CHST11: variants seen among roughly 807,000 people sequenced by gnomAD.
CHST11 encodes the protein C4S-1.
Under a neutral mutation model 30.4 loss-of-function variants are expected in CHST11, and 9 were observed. That is an observed-to-expected ratio of 0.30 (90% CI 0.18 to 0.52). CHST11 has a LOEUF of 0.52. CHST11 is among the 20% of genes least tolerant of loss of function. The probability of loss-of-function intolerance (pLI) is 0.97; values close to 1 mark genes in which losing one functional copy is unlikely to be tolerated. For synonymous variants in CHST11, 152 were observed against 187.8 expected, an observed-to-expected ratio of 0.81 and a Z score of 1.56; for missense variants, 348 against 460.6, an observed-to-expected ratio of 0.76 and a Z score of 2.24.
rs550479314 is a variant in CHST11 at position 104,529,173 on chromosome 12, G to A, written c.118+71644G>A. Among the ~76,000 whole-genome samples, 6 of 152,364 alleles carry A rather than the reference G, an allele frequency of 3.9e-5. No individual in the cohort carries two copies. The South Asian group carries it at 1.0e-3, about 26-fold the overall frequency. On this transcript the variant is annotated intron_variant, in intron 1 of 2. Coordinates refer to ENST00000303694, the MANE Select transcript of CHST11 (RefSeq NM_018413.6). Reference sequence around the variant, plus strand: ...GCAAATTGAGCACCTGGAGACCAGAGTAACTAAGGAGTTGTGCCTACTTAC... The same window carrying A: ...GCAAATTGAGCACCTGGAGACCAGAATAACTAAGGAGTTGTGCCTACTTAC...
At chr12:104,631,123 A>G (rs377530314) in intron 2 of CHST11, among the ~76,000 whole-genome samples, 2 of 152,308 alleles carry the variant, frequency 1.3e-5, no homozygotes, top group African/African-American at 4.8e-5. Flanking sequence ...GCTGTTAACC[A>G]AATGTGGGAA....
chr12:104,735,342 C>G (rs1163195796), intron 2 of CHST11, among the ~76,000 whole-genome samples: 1 of 152,204 alleles, frequency 6.6e-6, no homozygotes, highest in Non-Finnish European at 1.5e-5. Context: ...TGCTTGGCAC[C>G]TGGCACTCAA....
chr12:104,706,599 T>C (rs2136117375), intron 2 of CHST11, among the ~76,000 whole-genome samples: 1 of 152,270 alleles, frequency 6.6e-6, no homozygotes, highest in Non-Finnish European at 1.5e-5. Flanking sequence ...TTTCTATCCC[T>C]GGAGAGGCAG....
chr12:104,695,414 A>C (rs996605257), intron 2 of CHST11, among the ~76,000 whole-genome samples: 4 of 151,426 alleles, frequency 2.6e-5, no homozygotes, highest in African/African-American at 9.7e-5. Context: ...AAGAGAAAGA[A>C]AACTCATGAA....
intron 1 of CHST11, among the ~76,000 whole-genome samples, chr12:104,561,867 T>C (rs2038517422): frequency 6.7e-6 from 1 of 150,102 alleles, no homozygotes. Context: ...CTCGGCTCAC[T>C]GCAACCTCTG....
chr12:104,563,907 G>A (rs1332452329), intron 1 of CHST11, among the ~76,000 whole-genome samples: 4 of 152,076 alleles, frequency 2.6e-5, no homozygotes, highest in Non-Finnish European at 5.9e-5. Context: ...GTGCTCAGTT[G>A]TCATTTGACT....
chr12:104,553,166 A>G (rs1004628932), intron 1 of CHST11: 1 of 152,292 alleles, frequency 6.6e-6, no homozygotes, highest in African/African-American at 2.4e-5. Context: ...AAGCCTGAGC[A>G]AAGTACCTGG....
chr12:104,468,453 G>C (rs746639863), intron 1 of CHST11, among the ~76,000 whole-genome samples: 4 of 152,126 alleles, frequency 2.6e-5, no homozygotes, highest in Non-Finnish European at 4.4e-5. Flanking sequence ...GGAATGGATG[G>C]AATAAAAACC....
At chr12:104,656,959 G>C (rs898395797) in intron 2 of CHST11, among the ~76,000 whole-genome samples, 1 of 151,864 alleles carries the variant, frequency 6.6e-6, no homozygotes, top group Non-Finnish European at 1.5e-5. Flanking sequence ...CCTTACAAAG[G>C]CACAGCATGC....
At chr12:104,528,902 A>C (rs1424454584) in intron 1 of CHST11, among the ~76,000 whole-genome samples, 2 of 152,206 alleles carry the variant, frequency 1.3e-5, no homozygotes, top group Non-Finnish European at 2.9e-5. Context: ...CACTGAGGGC[A>C]ACCTTACCTT....
At chr12:104,661,900 C>G (rs974751413) in intron 2 of CHST11, among the ~76,000 whole-genome samples, 3 of 152,160 alleles carry the variant, frequency 2.0e-5, no homozygotes, top group Admixed American at 6.5e-5. Flanking sequence ...CAGAAAACAC[C>G]TGTTCTTTCT....
At chr12:104,549,415 A>C (rs911955259) in intron 1 of CHST11, among the ~76,000 whole-genome samples, 7 of 152,202 alleles carry the variant, frequency 4.6e-5, no homozygotes, top group African/African-American at 1.7e-4. Flanking sequence ...AGAGGGCAAG[A>C]ACTGTTCTAA....
intron 1 of CHST11, among the ~76,000 whole-genome samples, chr12:104,538,237 T>A (rs1158029703): frequency 6.6e-6 from 1 of 152,210 alleles, no homozygotes; most frequent in Non-Finnish European, 1.5e-5. Context: ...TTGAGGCATG[T>A]TGGTCAAGTG....
At chr12:104,513,139 T>TGGGGGGGGGGGGGG (rs1565969846) in intron 1 of CHST11, among the ~76,000 whole-genome samples, 11 of 2,932 alleles carry the variant, frequency 3.8e-3, no homozygotes, top group Non-Finnish European at 4.7e-3. Flanking sequence ...GGGGGGGGGT[T>TGGGGGGGGGGGGGG]GGGGGTGGGG....
At chr12:104,496,730 CTTT>C (rs149898457) in intron 1 of CHST11, among the ~76,000 whole-genome samples, 1 of 145,684 alleles carries the variant, frequency 6.9e-6, no homozygotes, top group African/African-American at 2.5e-5. Flanking sequence ...ATCCTCAAAA[CTTT>C]TTTTTTTTTT....
intron 1 of CHST11, among the ~76,000 whole-genome samples, chr12:104,560,605 C>T (rs767286355): frequency 1.6e-4 from 24 of 152,196 alleles, no homozygotes; most frequent in African/African-American, 5.6e-4. Flanking sequence ...AGGCACAAGA[C>T]TTGAATTTGA....
chr12:104,575,396 C>T (rs557526145), intron 1 of CHST11, among the ~76,000 whole-genome samples: 130 of 152,202 alleles, frequency 8.5e-4, no homozygotes, highest in Non-Finnish European at 1.3e-3. Flanking sequence ...GCAGGAGGAA[C>T]TGGGGACAGG....
Position 104,600,835 on chromosome 12 carries a change from T to TC in CHST11, c.119-1066dup, listed in dbSNP as rs200442024. 9.1e-3 allele frequency among the ~76,000 whole-genome samples: 1,389 copies of TC among 152,006 alleles called. 12 individuals carry two copies. Among genetic ancestry groups the TC allele is most frequent in the Non-Finnish European group, 0.014 (920 of 67,968 alleles). Reference sequence around the variant, plus strand: ...TTGAGAAGAAAGCCCCATTTATTCTTCCCCCATCTCTCTTTTTTCCCTCTC... The same window carrying TC: ...TTGAGAAGAAAGCCCCATTTATTCTTCCCCCCATCTCTCTTTTTTCCCTCTC... On this transcript the variant is annotated intron_variant, in intron 1 of 2. Transcript: ENST00000303694. This position sits in a 1 kb window ranked among gnomAD's most constrained non-coding sequence, Gnocchi z 4.1.
intron 1 of CHST11, among the ~76,000 whole-genome samples, chr12:104,468,067 C>T (rs766646597): frequency 6.7e-6 from 1 of 149,246 alleles, no homozygotes; most frequent in Non-Finnish European, 1.5e-5. Context: ...GTGGGGGAGA[C>T]ACAATAACAA....
Sources: allele counts gnomAD v4.1 joint callset (sites outside exome capture counted in the v4.1 genomes callset), GRCh38; gene constraint gnomAD v4.1.1; non-coding constraint Gnocchi (gnomAD v3.1); transcripts MANE v1.5; gene names NCBI Gene and HGNC (gene_info 2026-07-23, HGNC 2026-07-21).